Variants in STK33 observed in about 807,000 individuals in gnomAD.
STK33 encodes the protein serine/threonine kinase 33.
STK33 carries 52 observed loss-of-function variants against 58.0 expected under a neutral mutation model. The observed-to-expected ratio is 0.90, with a 90% confidence interval of 0.72 to 1.13. The LOEUF is 1.13. STK33 is among the 50% of genes most tolerant of loss of function. STK33 has a pLI of 0.00. For synonymous variants in STK33, 215 were observed against 200.1 expected, an observed-to-expected ratio of 1.07 and a Z score of -0.63; for missense variants, 630 against 604.2, an observed-to-expected ratio of 1.04 and a Z score of -0.45.
At chr11:8,340,991 T>A in the STK33 span, among the ~76,000 whole-genome samples, 1 of 152,216 alleles carries the variant, frequency 6.6e-6, no homozygotes, top group Non-Finnish European at 1.5e-5. Context: ...CCCCAATAGC[T>A]GGGACTACAG....
At chr11:8,523,177 C>A (rs945973049) in intron 1 of STK33, among the ~76,000 whole-genome samples, 1 of 152,194 alleles carries the variant, frequency 6.6e-6, no homozygotes, top group Non-Finnish European at 1.5e-5. Context: ...GATGGCCTCC[C>A]AAAGTGCCGA....
chr11:8,354,518 C>CACACACACACACACACACA, the STK33 span, among the ~76,000 whole-genome samples: 1 of 71,660 alleles, frequency 1.4e-5, no homozygotes, highest in Admixed American at 1.4e-4. Context: ...ACACACACAC[C>CACACACACACACACACACA]CCTCAGACAC....
In STK33 at chr11:8,534,562, CTCTCTCTG is replaced by C. The variant is rs1249396232; in HGVS notation, c.-465-53956_-465-53949del. 5.9e-3 allele frequency among the ~76,000 whole-genome samples: 764 copies of C among 128,992 alleles called. 5 individuals are homozygous for C. Among genetic ancestry groups the C allele is most frequent in the African/African-American group, 0.023 (686 of 30,124 alleles). The allele number at this position is 128,992 out of a possible 152,430, so 84.6% of individuals were successfully genotyped here. On this transcript the variant is annotated intron_variant, in intron 1 of 15. Coordinates refer to ENST00000687296, the MANE Select transcript of STK33 (RefSeq NM_001352389.2). ...TCTCTCTCTCTCTCTCTCTCTCTCT[CTCTCTCTG>C]TGTGTGTGTGTGTGTGTGTGTGTGT...
At chr11:8,460,135 A>G (rs562682188) in intron 8 of STK33, among the ~76,000 whole-genome samples, 1 of 152,356 alleles carries the variant, frequency 6.6e-6, no homozygotes, top group African/African-American at 2.4e-5. Flanking sequence ...AATAATCATT[A>G]GAATATTAAA....
the STK33 span, among the ~76,000 whole-genome samples, chr11:8,339,737 G>C: frequency 6.6e-6 from 1 of 152,248 alleles, no homozygotes; most frequent in Non-Finnish European, 1.5e-5. Context: ...CCTGGCCGTG[G>C]TCGCCACATC....
intron 1 of STK33, among the ~76,000 whole-genome samples, chr11:8,520,250 T>C (rs1280975981): frequency 1.3e-5 from 2 of 152,208 alleles, no homozygotes; most frequent in Non-Finnish European, 1.5e-5. Context: ...AACCACATGA[T>C]TATCTCAAAA....
intron 11 of STK33, among the ~76,000 whole-genome samples, chr11:8,452,259 G>A (rs11041927): frequency 0.058 from 8,856 of 152,100 alleles, 443 homozygotes; most frequent in East Asian, 0.27. Context: ...GTTAACAAAA[G>A]CAATAATTAA....
intron 14 of STK33, among the ~76,000 whole-genome samples, chr11:8,427,244 A>AT (rs1476149166): frequency 6.6e-6 from 1 of 152,182 alleles, no homozygotes; most frequent in Non-Finnish European, 1.5e-5. Flanking sequence ...TAGATATAAC[A>AT]TTTTAACTTT....
chr11:8,438,156 A>T (rs77637122), intron 12 of STK33, among the ~76,000 whole-genome samples: 1 of 152,192 alleles, frequency 6.6e-6, no homozygotes, highest in South Asian at 2.1e-4. Flanking sequence ...ATCTTAAAAA[A>T]TTCACTTTTT....
chr11:8,549,964 C>T (rs1456536608), intron 1 of STK33, among the ~76,000 whole-genome samples: 5 of 152,122 alleles, frequency 3.3e-5, no homozygotes, highest in South Asian at 2.1e-4. Context: ...TTACTTAAAA[C>T]AAAAGTCAGT....
At chr11:8,452,991 G>T (rs1421567427) in intron 10 of STK33, 85 bp from the exon 11 acceptor site, 1 of 1,236,614 alleles carries the variant, frequency 8.1e-7, no homozygotes, top group Non-Finnish European at 1.2e-6. Context: ...CATTGAATTT[G>T]CATTGAATTC....
chr11:8,497,962 A>C (rs2093674687), intron 1 of STK33, among the ~76,000 whole-genome samples: 1 of 152,196 alleles, frequency 6.6e-6, no homozygotes, highest in Non-Finnish European at 1.5e-5. Flanking sequence ...CAAAAGTCTC[A>C]ACAAAATACT....
At chr11:8,509,376 A>G (rs1465036969) in intron 1 of STK33, among the ~76,000 whole-genome samples, 1 of 152,230 alleles carries the variant, frequency 6.6e-6, no homozygotes, top group African/African-American at 2.4e-5. Context: ...CACTTCAAAC[A>G]TAATACTTGG....
intron 1 of STK33, among the ~76,000 whole-genome samples, chr11:8,490,098 C>A (rs895814629): frequency 1.3e-5 from 2 of 152,160 alleles, no homozygotes; most frequent in African/African-American, 4.8e-5. Context: ...GGAGGGCGAG[C>A]CGAAGCAGGG....
intron 1 of STK33, among the ~76,000 whole-genome samples, chr11:8,527,544 T>G (rs1275810833): frequency 1.3e-5 from 2 of 152,142 alleles, no homozygotes; most frequent in East Asian, 3.9e-4. Flanking sequence ...GTGGAAGACA[T>G]AAGTAGGCAC....
At chr11:8,448,975 A>C (rs373018460) in intron 11 of STK33, among the ~76,000 whole-genome samples, 2 of 151,612 alleles carry the variant, frequency 1.3e-5, no homozygotes, top group Admixed American at 6.6e-5. Flanking sequence ...GGGCAAAGGA[A>C]ATGAACAGAC....
intron 11 of STK33, among the ~76,000 whole-genome samples, chr11:8,445,769 G>A (rs1945367085): frequency 6.6e-6 from 1 of 152,116 alleles, no homozygotes; most frequent in African/African-American, 2.4e-5. Flanking sequence ...ATGTGCTGTT[G>A]GATTCAGTTT....
At chr11:8,478,001 T>C (rs904152227) in intron 2 of STK33, among the ~76,000 whole-genome samples, 1 of 152,204 alleles carries the variant, frequency 6.6e-6, no homozygotes, top group Non-Finnish European at 1.5e-5. Flanking sequence ...CAAAATTTCT[T>C]GACAAGAATT....
chr11:8,587,782 T>C (rs1316627004), intron 1 of STK33, among the ~76,000 whole-genome samples: 1 of 152,050 alleles, frequency 6.6e-6, no homozygotes, highest in African/African-American at 2.4e-5. Flanking sequence ...GGAATCAGGT[T>C]ACAATCCTGA....
Sources: gnomAD v4.1 joint callset for allele counts (sites outside exome capture counted in the v4.1 genomes callset) on GRCh38, gnomAD v4.1.1 for gene constraint, MANE v1.5 for transcripts, NCBI Gene and HGNC (gene_info 2026-07-23, HGNC 2026-07-21) for gene names.